Variants in RALYL observed in about 807,000 individuals in gnomAD.
RALYL encodes RALY RNA binding protein like.
In RALYL, 29 loss-of-function variants were observed where a neutral mutation model predicts 35.1. The ratio of observed to expected loss-of-function variants is 0.83; its 90% CI spans 0.61 to 1.13. The LOEUF is 1.13. RALYL is among the 50% of genes most tolerant of loss of function. RALYL has a pLI of 0.00. For missense variants in RALYL, 359 were observed against 360.4 expected, an observed-to-expected ratio of 1.00 and a Z score of 0.03; for synonymous variants, 120 against 127.6, an observed-to-expected ratio of 0.94 and a Z score of 0.40.
intron 1 of RALYL, among the ~76,000 whole-genome samples, chr8:84,520,123 A>G (rs1446906642): frequency 6.6e-6 from 1 of 152,266 alleles, no homozygotes; most frequent in East Asian, 1.9e-4. Context: ...GCAGTAAAAC[A>G]AAACAAAAAG....
intron 2 of RALYL, among the ~76,000 whole-genome samples, chr8:84,750,621 C>G (rs965581049): frequency 2.0e-5 from 3 of 152,140 alleles, no homozygotes; most frequent in African/African-American, 7.2e-5. Flanking sequence ...GGTTTGTGCT[C>G]TTATGAATGG....
In RALYL at chr8:84,661,845, G is replaced by T. The variant is rs1830990173; in HGVS notation, c.257-112734G>T. ...CTTGCCTCTTTTCTTCCCAGATAAA[G>T]TGGCCTGGCAGTGTAGAAGGAATTA... On this transcript the variant is annotated intron_variant, in intron 2 of 8. Coordinates refer to ENST00000521268, the MANE Select transcript of RALYL (RefSeq NM_173848.7). 8.6e-5 allele frequency among the ~76,000 whole-genome samples: 13 copies of T among 151,568 alleles called. 1 individual carries two copies.
At chr8:84,804,588 C>A (rs536398884) in intron 3 of RALYL, among the ~76,000 whole-genome samples, 182 bp from the exon 4 acceptor site, 4 of 152,238 alleles carry the variant, frequency 2.6e-5, no homozygotes, top group African/African-American at 7.2e-5. Context: ...CTGCATTAAT[C>A]CAGCTGCAAA....
chr8:84,451,086 A>T (rs1291633878), intron 1 of RALYL, among the ~76,000 whole-genome samples: 1 of 151,932 alleles, frequency 6.6e-6, no homozygotes, highest in Non-Finnish European at 1.5e-5. Context: ...TCCAATTTCT[A>T]TTCGGGTAAA....
At chr8:84,451,698 A>C (rs2049494298) in intron 1 of RALYL, among the ~76,000 whole-genome samples, 1 of 152,016 alleles carries the variant, frequency 6.6e-6, no homozygotes, top group Non-Finnish European at 1.5e-5. Flanking sequence ...AAAATTTTGC[A>C]TTAAATACTG....
intron 1 of RALYL, among the ~76,000 whole-genome samples, chr8:84,237,994 G>C (rs1257567120): frequency 1.5e-5 from 2 of 133,458 alleles, no homozygotes. Context: ...GAAGAAAAAA[G>C]TGCAAAAACA....
intron 1 of RALYL, among the ~76,000 whole-genome samples, chr8:84,371,375 G>A (rs1337393903): frequency 2.6e-5 from 4 of 151,636 alleles, no homozygotes; most frequent in African/African-American, 4.8e-5. Flanking sequence ...CTCTTTCTCC[G>A]TCACAAAAAA....
intron 1 of RALYL, among the ~76,000 whole-genome samples, chr8:84,437,426 C>A (rs1377084123): frequency 6.6e-6 from 1 of 152,126 alleles, no homozygotes; most frequent in Non-Finnish European, 1.5e-5. Flanking sequence ...TTTGAGAAAT[C>A]TCCAAATTAC....
At chr8:84,493,914 C>A (rs982198823) in intron 1 of RALYL, among the ~76,000 whole-genome samples, 1 of 151,752 alleles carries the variant, frequency 6.6e-6, no homozygotes, top group African/African-American at 2.4e-5. Context: ...TTAATTAGAT[C>A]CCATTTGTCT....
chr8:84,735,809 C>CGTGAGA (rs766504736), intron 2 of RALYL, among the ~76,000 whole-genome samples: 1,953 of 119,074 alleles, frequency 0.016, 41 homozygotes, highest in Middle Eastern at 0.049. Context: ...TCATCCAAAC[C>CGTGAGA]GCGAGAGAGA....
At chr8:84,491,238 G>T (rs2134042364) in intron 1 of RALYL, among the ~76,000 whole-genome samples, 1 of 152,002 alleles carries the variant, frequency 6.6e-6, no homozygotes, top group Non-Finnish European at 1.5e-5. Flanking sequence ...ATACAGCTTA[G>T]GTAAGTGGCA....
At chr8:84,697,779 C>G (rs1461989184) in intron 2 of RALYL, among the ~76,000 whole-genome samples, 1 of 151,956 alleles carries the variant, frequency 6.6e-6, no homozygotes, top group African/African-American at 2.4e-5. Context: ...CTGTTTTTCC[C>G]CGCTATGTGT....
intron 1 of RALYL, among the ~76,000 whole-genome samples, chr8:84,371,913 T>C (rs1156339186): frequency 6.6e-6 from 1 of 152,044 alleles, no homozygotes; most frequent in Non-Finnish European, 1.5e-5. Context: ...GAATTCTGTC[T>C]TGTGGAAGAT....
At chr8:84,699,769 G>T (rs1839868321) in intron 2 of RALYL, among the ~76,000 whole-genome samples, 1 of 152,104 alleles carries the variant, frequency 6.6e-6, no homozygotes, top group Non-Finnish European at 1.5e-5. Context: ...GTAGTTTGTT[G>T]CAGATGATAG....
chr8:84,231,404 G>C (rs1825310562), intron 1 of RALYL, among the ~76,000 whole-genome samples: 2 of 152,084 alleles, frequency 1.3e-5, no homozygotes, highest in African/African-American at 4.8e-5. Context: ...ATATAAGAAA[G>C]GTTACAATAT....
At chr8:84,347,192 T>TA (rs992833012) in intron 1 of RALYL, among the ~76,000 whole-genome samples, 6 of 151,040 alleles carry the variant, frequency 4.0e-5, no homozygotes, top group South Asian at 2.1e-4. Flanking sequence ...CAGAGCAATT[T>TA]AAAAAAAAAG....
intron 2 of RALYL, among the ~76,000 whole-genome samples, chr8:84,739,234 A>T (rs1373126347): frequency 6.6e-6 from 1 of 151,972 alleles, no homozygotes; most frequent in African/African-American, 2.4e-5. Context: ...GTTCATAAAC[A>T]ATTATCAAAT....
At chr8:84,419,359 G>A (rs964067043) in intron 1 of RALYL, among the ~76,000 whole-genome samples, 5 of 151,808 alleles carry the variant, frequency 3.3e-5, no homozygotes, top group African/African-American at 1.2e-4. Flanking sequence ...ATCACTTCTG[G>A]GTTTTCTTCC....
chr8:84,447,374 G>A lies in RALYL; in HGVS notation c.-23-81925G>A, dbSNP rs551122151. On this transcript the variant is annotated intron_variant, in intron 1 of 8. Transcript: ENST00000521268. ...ATTCCTGCATTCCTCTCTGTTTTGGGTGATACCTAAATGCGTGGCCTGCTT... is the reference window on the plus strand; with the variant it reads ...ATTCCTGCATTCCTCTCTGTTTTGGATGATACCTAAATGCGTGGCCTGCTT... Among the ~76,000 whole-genome samples the A allele has an allele frequency of 7.2e-5, 11 of 151,932 alleles. No individual in the cohort carries two copies. The South Asian group carries it at 2.3e-3, about 32-fold the overall frequency.
Sources: allele counts gnomAD v4.1 joint callset (sites outside exome capture counted in the v4.1 genomes callset), GRCh38; gene constraint gnomAD v4.1.1; transcripts MANE v1.5; gene names NCBI Gene and HGNC (gene_info 2026-07-23, HGNC 2026-07-21).